Variants in TARBP1 observed in about 807,000 individuals in gnomAD.
TARBP1 encodes tRNA guanosine 2 -O-methyltransferase TARBP1.
A neutral mutation model predicts 178.6 loss-of-function variants in TARBP1; 144 were observed. That is an observed-to-expected ratio of 0.81 (90% CI 0.70 to 0.93). The LOEUF (loss-of-function observed/expected upper bound fraction) is 0.93, where lower values mean the gene tolerates loss of function less well. Among genes scored for constraint, TARBP1 ranks in the 40% least tolerant of loss-of-function variants. The pLI is 0.00. For missense variants in TARBP1, 2,067 were observed against 2,011.7 expected (o/e 1.03, Z -0.53); for synonymous variants, 787 against 781.0 (o/e 1.01, Z -0.13).
At chr1:234,457,135 T>A (rs143988214) in intron 9 of TARBP1, among the ~76,000 whole-genome samples, 12 of 152,110 alleles carry the variant, frequency 7.9e-5, no homozygotes, top group African/African-American at 2.9e-4. Context: ...CAAGACATCA[T>A]CACAAGGGAA....
intron 13 of TARBP1, among the ~76,000 whole-genome samples, chr1:234,435,350 T>C (rs1664897418): frequency 1.3e-5 from 2 of 148,648 alleles, no homozygotes; most frequent in Admixed American, 6.7e-5. Context: ...ACAGGCGCGG[T>C]GGCGCACGCC....
chr1:234,410,976 G>A (rs1197026685), intron 22 of TARBP1, among the ~76,000 whole-genome samples: 7 of 152,144 alleles, frequency 4.6e-5, no homozygotes, highest in Non-Finnish European at 1.0e-4. Flanking sequence ...GGAGGCTGAG[G>A]TAGAAGAATT....
chr1:234,455,826 G>T (rs1667215571), intron 9 of TARBP1, among the ~76,000 whole-genome samples: 1 of 151,100 alleles, frequency 6.6e-6, no homozygotes, highest in South Asian at 2.1e-4. Flanking sequence ...TATAAAAAGA[G>T]CACTTACAAA....
chr1:234,451,981 T>C (rs1306292283), intron 9 of TARBP1, among the ~76,000 whole-genome samples: 1 of 152,302 alleles, frequency 6.6e-6, no homozygotes. Flanking sequence ...CTGGCCAGAC[T>C]GCGTTGCCTA....
chr1:234,394,458 ACT>A (rs1451171780), intron 26 of TARBP1, among the ~76,000 whole-genome samples: 1 of 152,162 alleles, frequency 6.6e-6, no homozygotes, highest in Admixed American at 6.5e-5. Context: ...ACTCTGTCCT[ACT>A]CCAAACTGCT....
In TARBP1 at chr1:234,393,486, C is replaced by A; in HGVS notation, c.4436G>T (p.Gly1479Val). The change falls in exon 28 of 30, where the codon GGA (glycine) becomes GTA (valine). Residue 1479 changes from glycine (G) to valine (V), a missense_variant and splice_region_variant. Gly to Val is a moderately radical substitution (Grantham distance 109). Transcript: ENST00000040877. ...SLIDKPTNLGGLCRTCEVFGA... is the reference protein window; with the variant it reads ...SLIDKPTNLGVLCRTCEVFGA... ...AAATACCTCACAGGTCCTGCACAGT[C>A]CTGCACAGAACACCTGGGATCATTA... 1 of 1,590,658 alleles carries A rather than the reference C, an allele frequency of 6.3e-7. No individual in the cohort carries two copies. Among genetic ancestry groups the A allele is most frequent in the Middle Eastern group, 1.7e-4 (1 of 5,946 alleles).
intron 6 of TARBP1, 44 bp downstream of exon 6, chr1:234,463,793 T>A: frequency 8.5e-7 from 1 of 1,180,788 alleles, no homozygotes; most frequent in Non-Finnish European, 1.2e-6. Context: ...AAAAAGAAAC[T>A]GTAAGCTAAA....
At chr1:234,451,829 G>C (rs1572360780) in intron 9 of TARBP1, among the ~76,000 whole-genome samples, 1 of 151,778 alleles carries the variant, frequency 6.6e-6, no homozygotes, top group African/African-American at 2.4e-5. Context: ...TACAATGAGT[G>C]AGCAAGTCAA....
intron 1 of TARBP1, among the ~76,000 whole-genome samples, chr1:234,477,528 G>C (rs1303449251): frequency 3.3e-5 from 5 of 152,174 alleles, no homozygotes; most frequent in Non-Finnish European, 7.4e-5. Context: ...CAACAGTAAC[G>C]TAACAACTTG....
rs951109218 is a variant in TARBP1, at chr1:234,478,359, C to T, written c.745G>A (p.Ala249Thr). The change falls in exon 1 of 30, where the codon GCC becomes ACC. Residue 249 changes from alanine (A) to threonine (T), a missense_variant. By Grantham distance (58) the Ala-to-Thr change is moderately conservative. Transcript: ENST00000040877. ...KLLPEPGGDR[A>T]RGAREAGPDA... is the part of the protein sequence containing the mutation. ...GGGCCCGCCTCGCGCGCGCCGCGGGCGCGGTCGCCGCCGGGCTCGGGCAAC... is the reference window on the plus strand; with the variant it reads ...GGGCCCGCCTCGCGCGCGCCGCGGGTGCGGTCGCCGCCGGGCTCGGGCAAC... The T allele has an allele frequency of 1.2e-5, 15 of 1,267,262 alleles. No individual in the cohort carries two copies. Among genetic ancestry groups the T allele is most frequent in the Non-Finnish European group, 1.5e-5 (15 of 1,011,092 alleles). 78.5% of individuals were successfully genotyped at this position (1,267,262 alleles called of 1,614,324 possible).
chr1:234,435,874 G>A (rs530297878), intron 13 of TARBP1, among the ~76,000 whole-genome samples: 3 of 152,284 alleles, frequency 2.0e-5, no homozygotes, highest in African/African-American at 7.2e-5. Context: ...GAAATCGGCC[G>A]TGGAAATTGG....
rs753374558 is a variant in TARBP1, at chr1:234,478,253, G to C, written c.851C>G (p.Ala284Gly). The C allele has an allele frequency of 2.6e-5, 41 of 1,607,204 alleles. No homozygotes were observed. Among genetic ancestry groups the C allele is most frequent in the Non-Finnish European group, 3.3e-5 (39 of 1,178,108 alleles). Reference sequence around the variant, plus strand: ...CACCGCCCTCTGCAGCAGGTAGCGCGCTCGCTTGCGCGTCAGGGCGTCCGC... The same window carrying C: ...CACCGCCCTCTGCAGCAGGTAGCGCCCTCGCTTGCGCGTCAGGGCGTCCGC... ...GQADALTRKR[A>G]RYLLQRAVEV... Residue 284 changes from alanine (A) to glycine (G), a missense_variant, in exon 1 of 30, where the codon GCG becomes GGG. Physicochemically the swap from Ala to Gly is moderately conservative, Grantham distance 60. Transcript: ENST00000040877.
At position 234,430,089 on chromosome 1, in the gene TARBP1, G is replaced by T. The variant is rs1214235822; in HGVS notation, c.2607C>A (p.Ser869Arg). ...QSSYAHPLECSSVLEESSSSQ... is the reference protein window; with the variant it reads ...QSSYAHPLECRSVLEESSSSQ... ...TTAAGCCTTAACCTTCCCTGTACCTGCTGCACTCCAAGGGGTGAGCATAAC... is the reference window on the plus strand; with the variant it reads ...TTAAGCCTTAACCTTCCCTGTACCTTCTGCACTCCAAGGGGTGAGCATAAC... The change falls in exon 15 of 30, where the codon AGC becomes AGA. Residue 869 changes from serine (S) to arginine (R), a missense_variant and splice_region_variant. Coordinates refer to ENST00000040877, the MANE Select transcript of TARBP1 (RefSeq NM_005646.4). 1.2e-6 allele frequency: 2 copies of T among 1,609,662 alleles called. No homozygotes were observed. Among genetic ancestry groups the T allele is most frequent in the Non-Finnish European group, 1.7e-6 (2 of 1,176,430 alleles).
chr1:234,408,012 T>A (rs1478281307), intron 23 of TARBP1: 3 of 152,170 alleles, frequency 2.0e-5, no homozygotes, highest in Admixed American at 6.5e-5. Context: ...AAACAGTGCT[T>A]CCTATGGAGC....
rs189263195 is a variant in TARBP1, at chr1:234,447,810, T to G, written c.1961+670A>C. Among the ~76,000 whole-genome samples the G allele has an allele frequency of 2.7e-4, 41 of 152,276 alleles. No individual in the cohort carries two copies. In the East Asian group the frequency reaches 7.3e-3, roughly 27 times the overall value. On this transcript the variant is annotated intron_variant, in intron 11 of 29. Transcript: ENST00000040877. ...ATCTTTATTACCGTTTTTTTAATTA[T>G]GTATTTTACAAAGGAGTCAAATCCA...
At chr1:234,412,374 A>G (rs1238824391) in intron 22 of TARBP1, among the ~76,000 whole-genome samples, 6 of 150,752 alleles carry the variant, frequency 4.0e-5, no homozygotes, top group Admixed American at 4.0e-4. Flanking sequence ...GTGAGCCGAG[A>G]TCACACCACT....
Position 234,427,402 on chromosome 1 carries a change from A to G in TARBP1, c.3252-14T>C. 1 of 1,597,716 alleles carries G rather than the reference A, an allele frequency of 6.3e-7. No individual in the cohort carries two copies. The highest frequency in any genetic ancestry group is 8.5e-7 in the Non-Finnish European group (1 of 1,172,916). ...TCCTGAACAAGTCTTTCCATAAAAA[A>G]CATTTGATAAAGAACAACAGGTTTT... On this transcript the variant is annotated splice_polypyrimidine_tract_variant and intron_variant, in intron 18 of 29. Coordinates refer to ENST00000040877, the MANE Select transcript of TARBP1 (RefSeq NM_005646.4).
At chr1:234,437,522 G>C in intron 12 of TARBP1, 150 bp from the exon 13 acceptor site, 1 of 477,946 alleles carries the variant, frequency 2.1e-6, no homozygotes, top group Non-Finnish European at 3.8e-6. Context: ...TTCACCCCAT[G>C]GGGAAAGCTA....
intron 22 of TARBP1, 44 bp downstream of exon 22, chr1:234,418,040 T>A: frequency 8.8e-7 from 1 of 1,129,982 alleles, no homozygotes. Flanking sequence ...ATTGTCAAAA[T>A]CATGTCTTAG....
Sources: allele counts gnomAD v4.1 joint callset (sites outside exome capture counted in the v4.1 genomes callset), GRCh38; gene constraint gnomAD v4.1.1; transcripts MANE v1.5; gene names NCBI Gene and HGNC (gene_info 2026-07-23, HGNC 2026-07-21).